Variants in NDUFAF5 observed in about 807,000 individuals in gnomAD.
The protein encoded by NDUFAF5 is NADH:ubiquinone oxidoreductase complex assembly factor 5, also known as arginine-hydroxylase NDUFAF5, mitochondrial.
A neutral mutation model predicts 48.9 loss-of-function variants in NDUFAF5; 34 were observed. The observed-to-expected ratio is 0.70, with a 90% confidence interval of 0.53 to 0.93. The LOEUF (loss-of-function observed/expected upper bound fraction) is 0.93. NDUFAF5 is among the 40% of genes least tolerant of loss of function. NDUFAF5 has a pLI of 0.00. For synonymous variants in NDUFAF5, 153 were observed against 150.6 expected (o/e 1.02, Z -0.12); for missense variants, 428 against 427.5 (o/e 1.00, Z -0.01).
chr20:13,802,548 T>C (rs963624781), intron 7 of NDUFAF5, among the ~76,000 whole-genome samples: 12 of 151,190 alleles, frequency 7.9e-5, no homozygotes, highest in African/African-American at 2.7e-4. Flanking sequence ...TGCATGCCTG[T>C]AATCCCAGCT....
At chr20:13,797,451 T>G (rs1052088085) in intron 5 of NDUFAF5, among the ~76,000 whole-genome samples, 1 of 152,178 alleles carries the variant, frequency 6.6e-6, no homozygotes, top group Admixed American at 6.5e-5. Context: ...TGGAGGAAAC[T>G]TAAATGCGTA....
chr20:13,794,571 G>A (rs1055508672), intron 4 of NDUFAF5, among the ~76,000 whole-genome samples: 3 of 152,130 alleles, frequency 2.0e-5, no homozygotes, highest in South Asian at 2.1e-4. Flanking sequence ...GAGCCACCAC[G>A]CCCAGCCAAA....
chr20:13,805,824 G>A (rs1600371593), intron 7 of NDUFAF5, among the ~76,000 whole-genome samples: 1 of 151,948 alleles, frequency 6.6e-6, no homozygotes, highest in Non-Finnish European at 1.5e-5. Flanking sequence ...CCAGCTACTC[G>A]GGAGGCTGAG....
chr20:13,786,766 T>C (rs1479122929), intron 1 of NDUFAF5, among the ~76,000 whole-genome samples: 1 of 152,176 alleles, frequency 6.6e-6, no homozygotes, highest in Non-Finnish European at 1.5e-5. Context: ...ACTCTTAAAT[T>C]GGGATGGGAT....
intron 8 of NDUFAF5, among the ~76,000 whole-genome samples, chr20:13,810,948 G>A (rs1295775846): frequency 2.6e-5 from 4 of 152,050 alleles, no homozygotes; most frequent in Non-Finnish European, 5.9e-5. Context: ...AGAAGTGAAT[G>A]GAACCGTTTG....
intron 1 of NDUFAF5, chr20:13,787,033 T>C: frequency 2.1e-6 from 1 of 480,972 alleles, no homozygotes; most frequent in Non-Finnish European, 3.8e-6. Context: ...TGTGATCTTA[T>C]GTCACATGGA....
chr20:13,797,734 C>T (rs1290282531), intron 5 of NDUFAF5, among the ~76,000 whole-genome samples: 11 of 152,024 alleles, frequency 7.2e-5, no homozygotes, highest in Admixed American at 7.2e-4. Context: ...AAACTATGGA[C>T]TTGGGGGATA....
Position 13,785,109 on chromosome 20 carries a change from CTTGGGCGGCGAGG to C in NDUFAF5, c.42_54del (p.Trp15SerfsTer26). 6.2e-7 allele frequency: 1 copy of C among 1,613,596 alleles called. No individual in the cohort carries two copies. Among genetic ancestry groups the C allele is most frequent in the Non-Finnish European group, 8.5e-7 (1 of 1,179,934 alleles). On this transcript the variant is annotated frameshift_variant, in exon 1 of 11. Coordinates refer to ENST00000378106, the MANE Select transcript of NDUFAF5 (RefSeq NM_024120.5). LOFTEE classifies it high-confidence loss of function. ...GGGCTCTGGCGCTTATGTCGGCGACCTTGGGCGGCGAGGGTCCCAGCGGAGAATCTTGGCCGTA... is the reference window on the plus strand; with the variant it reads ...GGGCTCTGGCGCTTATGTCGGCGACCGTCCCAGCGGAGAATCTTGGCCGTA...
intron 5 of NDUFAF5, 43 bp downstream of exon 5, chr20:13,794,984 C>A: frequency 7.4e-7 from 1 of 1,353,202 alleles, no homozygotes; most frequent in Non-Finnish European, 1.1e-6. Context: ...ATAAACAGAT[C>A]ATTCTTGCCA....
At position 13,817,022 on chromosome 20, in the gene NDUFAF5, TG is replaced by T. The variant is rs1568787904; in HGVS notation, c.945+70del. The T allele has an allele frequency of 2.0e-6, 3 of 1,536,720 alleles. No homozygotes were observed. The South Asian group carries it at 3.4e-5, about 17-fold the overall frequency. ...GTGTTCAGATTATTGTTTACTAACT[TG>T]GGGGAAGGGGTAATGTAAGACAGCA... On this transcript the variant is annotated intron_variant, in intron 10 of 10. Coordinates refer to ENST00000378106, the MANE Select transcript of NDUFAF5 (RefSeq NM_024120.5).
intron 8 of NDUFAF5, among the ~76,000 whole-genome samples, chr20:13,814,932 G>A (rs1450716061): frequency 6.6e-6 from 1 of 152,164 alleles, no homozygotes; most frequent in Non-Finnish European, 1.5e-5. Context: ...GCTTGTGAGG[G>A]AAGGCTGGAG....
chr20:13,800,798 A>C (rs1365961926), intron 6 of NDUFAF5, among the ~76,000 whole-genome samples: 3 of 152,134 alleles, frequency 2.0e-5, no homozygotes, highest in African/African-American at 7.2e-5. Flanking sequence ...GGCTTGGCTC[A>C]TCTGTGTGTC....
intron 6 of NDUFAF5, among the ~76,000 whole-genome samples, 185 bp downstream of exon 6, chr20:13,798,685 A>G (rs891872783): frequency 1.6e-4 from 24 of 152,240 alleles, no homozygotes; most frequent in African/African-American, 5.1e-4. Flanking sequence ...TTCCCTGAGA[A>G]TTTAAGAAAT....
At chr20:13,794,997 A>G (rs1050011057) in intron 5 of NDUFAF5, 56 bp downstream of exon 5, 12 of 1,287,772 alleles carry the variant, frequency 9.3e-6, no homozygotes, top group Non-Finnish European at 1.3e-5. Context: ...TCTTGCCATA[A>G]AGTTTTGCTA....
At chr20:13,792,233 G>A (rs1395752409) in intron 3 of NDUFAF5, among the ~76,000 whole-genome samples, 1 of 152,182 alleles carries the variant, frequency 6.6e-6, no homozygotes, top group African/African-American at 2.4e-5. Context: ...ACTCTTCCCA[G>A]CTCCATATTT....
chr20:13,807,950 A>T (rs898948367), intron 7 of NDUFAF5, among the ~76,000 whole-genome samples: 1 of 10,124 alleles, frequency 9.9e-5, no homozygotes, highest in African/African-American at 1.6e-3. Context: ...ATCCGTCTTA[A>T]AAAAAAAAAA....
intron 7 of NDUFAF5, among the ~76,000 whole-genome samples, chr20:13,804,124 A>C (rs1168434051): frequency 6.6e-6 from 1 of 152,186 alleles, no homozygotes; most frequent in African/African-American, 2.4e-5. Flanking sequence ...GGGAAGAATG[A>C]CATTGCTTCA....
chr20:13,796,642 C>T (rs891720635), intron 5 of NDUFAF5, among the ~76,000 whole-genome samples: 3 of 152,104 alleles, frequency 2.0e-5, no homozygotes, highest in East Asian at 3.9e-4. Context: ...ATATGACTTT[C>T]GCTGTCACGC....
chr20:13,785,108 C>G lies in NDUFAF5; in HGVS notation c.40C>G (p.Pro14Ala), dbSNP rs542653545. Residue 14 changes from proline (P) to alanine (A), a missense_variant, in exon 1 of 11, where the codon CCT becomes GCT. By Grantham distance (27) the Pro-to-Ala change is conservative. Coordinates refer to ENST00000378106, the MANE Select transcript of NDUFAF5 (RefSeq NM_024120.5). The stretch of plus-strand genomic sequence containing the variant: ...AGGGCTCTGGCGCTTATGTCGGCGA[C>G]CTTGGGCGGCGAGGGTCCCAGCGGA... ...PAGLWRLCRRPWAARVPAENL... is the reference protein window; with the variant it reads ...PAGLWRLCRRAWAARVPAENL... The G allele has an allele frequency of 7.2e-5, 116 of 1,613,554 alleles. 2 individuals carry two copies. In the South Asian group the frequency reaches 1.2e-3, roughly 17 times the overall value.
Sources: gnomAD v4.1 joint callset for allele counts (sites outside exome capture counted in the v4.1 genomes callset) on GRCh38, gnomAD v4.1.1 for gene constraint, MANE v1.5 for transcripts, NCBI Gene and HGNC (gene_info 2026-07-23, HGNC 2026-07-21) for gene names.